The following ADAM10 variants were observed in gnomAD, a reference collection of about 807,000 sequenced individuals.
The protein encoded by ADAM10 is disintegrin and metalloproteinase domain-containing protein 10.
A neutral mutation model predicts 90.1 loss-of-function variants in ADAM10; 17 were observed. That is an observed-to-expected ratio of 0.19 (90% CI 0.13 to 0.28). The LOEUF (loss-of-function observed/expected upper bound fraction) is 0.28, where lower values mean the gene tolerates loss of function less well. Ranked by LOEUF, ADAM10 falls within the 10% of genes least tolerant of loss-of-function variation. The pLI is 1.00. For synonymous variants in ADAM10, 310 were observed against 298.6 expected (o/e 1.04, Z -0.40); for missense variants, 610 against 914.3 (o/e 0.67, Z 4.29).
At chr15:58,648,780 A>C (rs1896616127) in intron 5 of ADAM10, among the ~76,000 whole-genome samples, 1 of 152,134 alleles carries the variant, frequency 6.6e-6, no homozygotes, top group Admixed American at 6.5e-5. Flanking sequence ...ATACAAATTA[A>C]AGGCTGCTAT....
intron 5 of ADAM10, among the ~76,000 whole-genome samples, chr15:58,657,520 T>C (rs142518738): frequency 0.027 from 4,104 of 152,312 alleles, 124 homozygotes; most frequent in East Asian, 0.083. Flanking sequence ...TTTTCAACTC[T>C]AGAATTTCTG....
intron 2 of ADAM10, among the ~76,000 whole-genome samples, chr15:58,705,747 G>C (rs1211322438): frequency 7.9e-5 from 12 of 152,142 alleles, no homozygotes; most frequent in African/African-American, 2.7e-4. Flanking sequence ...TTAGAATATA[G>C]AGTAGTCCCC....
intron 11 of ADAM10, among the ~76,000 whole-genome samples, chr15:58,618,832 T>C (rs1288029571): frequency 6.6e-6 from 1 of 151,898 alleles, no homozygotes; most frequent in Admixed American, 6.6e-5. Flanking sequence ...ATGACCATTA[T>C]CAAAATGATC....
At chr15:58,691,483 A>G (rs1204728541) in intron 2 of ADAM10, 1 of 617,314 alleles carries the variant, frequency 1.6e-6, no homozygotes, top group Non-Finnish European at 3.2e-6. Context: ...CAAGACACAT[A>G]CTCTGACAGA....
intron 14 of ADAM10, among the ~76,000 whole-genome samples, chr15:58,603,204 T>C (rs1426292625): frequency 6.6e-6 from 1 of 152,214 alleles, no homozygotes; most frequent in Non-Finnish European, 1.5e-5. Context: ...AGGTATTCCA[T>C]AGACTCCTAT....
chr15:58,692,382 T>C (rs1376811032), intron 2 of ADAM10: 3 of 589,406 alleles, frequency 5.1e-6, no homozygotes, highest in African/African-American at 3.7e-5. Context: ...GATCAGTGTA[T>C]TTCTCCTTGA....
chr15:58,676,749 T>G (rs1357719099), intron 4 of ADAM10, among the ~76,000 whole-genome samples: 1 of 152,070 alleles, frequency 6.6e-6, no homozygotes, highest in African/African-American at 2.4e-5. Context: ...CCCAGGAGGT[T>G]GAGGCTGTAG....
At chr15:58,706,648 T>C (rs568866107) in intron 2 of ADAM10, among the ~76,000 whole-genome samples, 1 of 152,026 alleles carries the variant, frequency 6.6e-6, no homozygotes, top group Non-Finnish European at 1.5e-5. Flanking sequence ...GGAACAGGTC[T>C]GCAGAGGAGG....
chr15:58,737,478 T>C (rs1286295581), intron 1 of ADAM10, among the ~76,000 whole-genome samples: 3 of 152,180 alleles, frequency 2.0e-5, no homozygotes, highest in Non-Finnish European at 4.4e-5. Flanking sequence ...AAAGGCAAGA[T>C]CTGGCTTCCC....
intron 11 of ADAM10, 37 bp from the exon 12 acceptor site, chr15:58,612,028 A>G: frequency 6.3e-7 from 1 of 1,580,878 alleles, no homozygotes; most frequent in Non-Finnish European, 8.7e-7. Flanking sequence ...AAAGTAAATC[A>G]CTAGTTATTC....
chr15:58,740,599 C>T (rs1453193077), intron 1 of ADAM10, among the ~76,000 whole-genome samples: 1 of 152,088 alleles, frequency 6.6e-6, no homozygotes, highest in African/African-American at 2.4e-5. Flanking sequence ...GAAACAGGGT[C>T]TTGCTATGTT....
rs146995830 is a variant in ADAM10, at chr15:58,712,346, C to A, written c.206+5231G>T. Among the ~76,000 whole-genome samples, 574 of 150,616 alleles carry A rather than the reference C, an allele frequency of 3.8e-3. 5 individuals are homozygous for A. The highest frequency in any genetic ancestry group is 0.022 in the South Asian group (104 of 4,754). On this transcript the variant is annotated intron_variant, in intron 2 of 15. Transcript: ENST00000260408. ...GGGAACCTGGGCAACATGGCAAAACCCCATTTCTACCAAAAAAAAATATGA... is the reference window on the plus strand; with the variant it reads ...GGGAACCTGGGCAACATGGCAAAACACCATTTCTACCAAAAAAAAATATGA...
chr15:58,649,649 A>C (rs1032531450), intron 5 of ADAM10, among the ~76,000 whole-genome samples: 1 of 152,154 alleles, frequency 6.6e-6, no homozygotes, highest in African/African-American at 2.4e-5. Flanking sequence ...TTCCAATGAG[A>C]AATGAGCTGC....
chr15:58,707,151 G>A (rs1297741813), intron 2 of ADAM10, among the ~76,000 whole-genome samples: 1 of 151,432 alleles, frequency 6.6e-6, no homozygotes, highest in African/African-American at 2.4e-5. Context: ...GAGAGGCTAA[G>A]GCCAGTAGAT....
At chr15:58,735,234 G>C (rs950580279) in intron 1 of ADAM10, among the ~76,000 whole-genome samples, 1 of 152,010 alleles carries the variant, frequency 6.6e-6, no homozygotes, top group African/African-American at 2.4e-5. Flanking sequence ...CGTTTACTCC[G>C]ATTCCTTATC....
chr15:58,700,707 T>C (rs1006307580), intron 2 of ADAM10, among the ~76,000 whole-genome samples: 1 of 151,824 alleles, frequency 6.6e-6, no homozygotes, highest in Non-Finnish European at 1.5e-5. Context: ...CCAAAATTAG[T>C]AGAAGAAAAT....
intron 2 of ADAM10, among the ~76,000 whole-genome samples, chr15:58,714,868 G>C (rs1235899453): frequency 6.6e-6 from 1 of 152,064 alleles, no homozygotes; most frequent in Non-Finnish European, 1.5e-5. Flanking sequence ...GAAAGACCTA[G>C]CAGGAAATCT....
intron 11 of ADAM10, among the ~76,000 whole-genome samples, chr15:58,621,262 C>CAAAAAAA (rs749439192): frequency 1.2e-4 from 3 of 25,274 alleles, no homozygotes; most frequent in African/African-American, 2.7e-4. Context: ...GACCCTGTCT[C>CAAAAAAA]AAAAAAAAAA....
chr15:58,667,805 A>C (rs1371416023), intron 4 of ADAM10, among the ~76,000 whole-genome samples: 1 of 151,712 alleles, frequency 6.6e-6, no homozygotes, highest in Admixed American at 6.6e-5. Flanking sequence ...TGGAGACAGG[A>C]AAGAACTCCA....
Sources: allele counts gnomAD v4.1 joint callset (sites outside exome capture counted in the v4.1 genomes callset), GRCh38; gene constraint gnomAD v4.1.1; transcripts MANE v1.5; gene names NCBI Gene and HGNC (gene_info 2026-07-23, HGNC 2026-07-21).